RBFOX1: variants seen among roughly 807,000 people sequenced by gnomAD.
RBFOX1 encodes the protein RNA binding fox-1 homolog 1, also known as RNA binding protein fox-1 homolog 1.
RBFOX1 carries 8 observed loss-of-function variants against 57.7 expected under a neutral mutation model. The observed-to-expected ratio is 0.14, with a 90% CI of 0.08 to 0.25. The LOEUF (loss-of-function observed/expected upper bound fraction) is 0.25. Among genes scored for constraint, RBFOX1 ranks in the 10% least tolerant of loss-of-function variants. The pLI is 1.00. For synonymous variants in RBFOX1, 326 were observed against 222.4 expected (o/e 1.47, Z -4.15); for missense variants, 611 against 548.5 (o/e 1.11, Z -1.14).
intron 1 of RBFOX1, among the ~76,000 whole-genome samples, chr16:5,276,679 C>T (rs200711108): frequency 5.3e-5 from 8 of 152,060 alleles, no homozygotes; most frequent in Non-Finnish European, 1.0e-4. Flanking sequence ...GCTACTCAGG[C>T]GGCTGAGACA....
chr16:6,933,151 A>T (rs965542363), intron 3 of RBFOX1, among the ~76,000 whole-genome samples: 1 of 152,134 alleles, frequency 6.6e-6, no homozygotes, highest in African/African-American at 2.4e-5. Flanking sequence ...TCATCTGTAG[A>T]CGCTTGGGTT....
At chr16:7,155,945 C>A (rs896612706) in intron 4 of RBFOX1, among the ~76,000 whole-genome samples, 2 of 151,648 alleles carry the variant, frequency 1.3e-5, no homozygotes, top group African/African-American at 2.4e-5. Flanking sequence ...AAAAACTGAT[C>A]TATTTTTCCA....
rs1600626119 is a variant in RBFOX1 at position 7,516,154 on chromosome 16, G to C, written c.28-1993G>C. ...GGCAACATGCCCACCCTAAGTGTCA[G>C]TTCTTGGCAGCTCCAGGCTTATGAT... On this transcript the variant is annotated intron_variant, in intron 4 of 15. Transcript: ENST00000550418. Among the ~76,000 whole-genome samples, 3 of 152,282 alleles carry C rather than the reference G, an allele frequency of 2.0e-5. No individual in the cohort carries two copies. In the East Asian group the frequency reaches 5.8e-4, roughly 29 times the overall value.
At chr16:7,652,893 A>T (rs977653926) in intron 11 of RBFOX1, among the ~76,000 whole-genome samples, 3 of 152,174 alleles carry the variant, frequency 2.0e-5, no homozygotes, top group African/African-American at 7.2e-5. Flanking sequence ...GGAATACTTC[A>T]ATTAGAAGTT....
chr16:6,580,073 C>G (rs1407038659), intron 2 of RBFOX1, among the ~76,000 whole-genome samples: 1 of 152,080 alleles, frequency 6.6e-6, no homozygotes, highest in Non-Finnish European at 1.5e-5. Context: ...ATTCTTCTGC[C>G]TCAGCCTCCC....
intron 4 of RBFOX1, among the ~76,000 whole-genome samples, chr16:7,242,164 A>G (rs528229215): frequency 3.3e-5 from 5 of 152,298 alleles, no homozygotes; most frequent in East Asian, 3.9e-4. Flanking sequence ...AGAAACCCAT[A>G]TATGTGTAGG....
intron 5 of RBFOX1, among the ~76,000 whole-genome samples, chr16:7,573,834 C>A (rs78974238): frequency 3.4e-5 from 5 of 145,134 alleles, no homozygotes; most frequent in Non-Finnish European, 6.0e-5. Flanking sequence ...GACTCTGTCT[C>A]AAAAAAAAAA....
chr16:5,707,923 T>A (rs1336062633), intron 3 of RBFOX1, among the ~76,000 whole-genome samples: 1 of 152,158 alleles, frequency 6.6e-6, no homozygotes, highest in African/African-American at 2.4e-5. Flanking sequence ...ACTTTGAGGG[T>A]GGTATTTCTA....
At chr16:7,429,773 T>C (rs2098660609) in intron 4 of RBFOX1, among the ~76,000 whole-genome samples, 1 of 152,250 alleles carries the variant, frequency 6.6e-6, no homozygotes, top group African/African-American at 2.4e-5. Flanking sequence ...TTTCTTTCTG[T>C]GCTTCCATAG....
rs747030307 is a variant in RBFOX1, at chr16:7,710,609, T to C, written c.1072-14T>C. 1 of 1,610,520 alleles carries C rather than the reference T, an allele frequency of 6.2e-7. No individual in the cohort carries two copies. Among genetic ancestry groups the C allele is most frequent in the East Asian group, 2.2e-5 (1 of 44,838 alleles). ...AAATGTAAAAAACACACCCCTCAAA[T>C]TGCTTTGTTTCAGAATGCTTTTGCA... On this transcript the variant is annotated splice_polypyrimidine_tract_variant and intron_variant, in intron 15 of 15. Coordinates refer to ENST00000550418, the MANE Select transcript of RBFOX1 (RefSeq NM_018723.4).
chr16:7,379,322 T>C (rs928118368), intron 4 of RBFOX1, among the ~76,000 whole-genome samples: 2 of 152,192 alleles, frequency 1.3e-5, no homozygotes, highest in African/African-American at 4.8e-5. Flanking sequence ...TAGACTGTTT[T>C]AAAATAATAA....
At chr16:6,256,177 A>G (rs7188414) in intron 1 of RBFOX1, among the ~76,000 whole-genome samples, 2 of 19,464 alleles carry the variant, frequency 1.0e-4, no homozygotes, top group Non-Finnish European at 1.3e-4. Flanking sequence ...ATATGTATAT[A>G]TATATATACG....
At chr16:5,642,850 G>A (rs915601109) in intron 3 of RBFOX1, among the ~76,000 whole-genome samples, 6 of 152,134 alleles carry the variant, frequency 3.9e-5, no homozygotes, top group African/African-American at 1.4e-4. Flanking sequence ...GGTGCTGCCT[G>A]ATGACTCTGT....
At chr16:6,791,668 A>G (rs545236923) in intron 3 of RBFOX1, among the ~76,000 whole-genome samples, 34 of 152,228 alleles carry the variant, frequency 2.2e-4, no homozygotes, top group African/African-American at 7.5e-4. Flanking sequence ...CTGAGGCAGG[A>G]GAATTGCTTG....
chr16:7,636,696 C>G (rs2061814405), intron 11 of RBFOX1, among the ~76,000 whole-genome samples: 1 of 152,160 alleles, frequency 6.6e-6, no homozygotes, highest in African/African-American at 2.4e-5. Context: ...GCTTAAGCCA[C>G]AGACATTCAT....
chr16:7,356,566 T>C (rs1049023200), intron 4 of RBFOX1, among the ~76,000 whole-genome samples: 1 of 152,080 alleles, frequency 6.6e-6, no homozygotes, highest in African/African-American at 2.4e-5. Context: ...CTGCACAGCA[T>C]GATAATGAGT....
chr16:6,427,570 A>G (rs1287710076), intron 2 of RBFOX1, among the ~76,000 whole-genome samples: 1 of 118,946 alleles, frequency 8.4e-6, no homozygotes, highest in African/African-American at 5.1e-5. Context: ...ATGGTGTTGA[A>G]TTCTCCTTAC....
chr16:5,316,081 C>T (rs1176535842), intron 1 of RBFOX1, among the ~76,000 whole-genome samples: 1 of 152,190 alleles, frequency 6.6e-6, no homozygotes, highest in Non-Finnish European at 1.5e-5. Context: ...GGCTGCTTTT[C>T]CGCTCCCAGC....
intron 3 of RBFOX1, among the ~76,000 whole-genome samples, chr16:6,752,691 T>G (rs1258126176): frequency 6.6e-6 from 1 of 152,214 alleles, no homozygotes; most frequent in African/African-American, 2.4e-5. Context: ...TTTCTGCGTA[T>G]CGGTTTCATG....
Sources: gnomAD v4.1 joint callset for allele counts (sites outside exome capture counted in the v4.1 genomes callset) on GRCh38, gnomAD v4.1.1 for gene constraint, MANE v1.5 for transcripts, NCBI Gene and HGNC (gene_info 2026-07-23, HGNC 2026-07-21) for gene names.